Variants in ANKS1B observed in about 807,000 individuals in gnomAD.
The protein encoded by ANKS1B is ankyrin repeat and sterile alpha motif domain-containing protein 1B.
Under a neutral mutation model 148.3 loss-of-function variants are expected in ANKS1B, and 36 were observed. That is an observed-to-expected ratio of 0.24 (90% CI 0.19 to 0.32). The LOEUF (loss-of-function observed/expected upper bound fraction) is 0.32, where lower values mean the gene tolerates loss of function less well. Ranked by LOEUF, ANKS1B falls within the 10% of genes least tolerant of loss-of-function variation. The probability of loss-of-function intolerance (pLI) is 1.00; values close to 1 mark genes in which losing one functional copy is unlikely to be tolerated. For missense variants in ANKS1B, 1,157 were observed against 1,542.6 expected, an observed-to-expected ratio of 0.75 and a Z score of 4.19; for synonymous variants, 542 against 560.8, an observed-to-expected ratio of 0.97 and a Z score of 0.47.
intron 9 of ANKS1B, among the ~76,000 whole-genome samples, chr12:99,506,128 T>C (rs893474468): frequency 8.5e-5 from 13 of 152,062 alleles, no homozygotes; most frequent in Admixed American, 2.6e-4. Context: ...GAACATACAC[T>C]GCTTTCACAC....
At chr12:99,014,695 A>G (rs1358971593) in intron 17 of ANKS1B, among the ~76,000 whole-genome samples, 2 of 152,166 alleles carry the variant, frequency 1.3e-5, no homozygotes, top group East Asian at 3.9e-4. Flanking sequence ...AAACAACTCC[A>G]TAAAAAGTGG....
chr12:99,117,998 G>C (rs973155810), intron 15 of ANKS1B, among the ~76,000 whole-genome samples: 1 of 152,132 alleles, frequency 6.6e-6, no homozygotes, highest in Non-Finnish European at 1.5e-5. Context: ...GGTATTTATA[G>C]CATTTTCTGA....
intron 1 of ANKS1B, among the ~76,000 whole-genome samples, chr12:99,854,733 GT>G (rs1358346155): frequency 2.0e-5 from 3 of 152,144 alleles, no homozygotes; most frequent in African/African-American, 7.2e-5. Context: ...AGAGACTGGG[GT>G]TCTATCTTTA....
At chr12:99,901,745 G>A (rs976891474) in intron 1 of ANKS1B, among the ~76,000 whole-genome samples, 1 of 152,130 alleles carries the variant, frequency 6.6e-6, no homozygotes, top group African/African-American at 2.4e-5. Flanking sequence ...ATATTACAGT[G>A]ACATTTATTG....
intron 10 of ANKS1B, among the ~76,000 whole-genome samples, chr12:99,488,025 G>A (rs1045069179): frequency 2.6e-5 from 4 of 152,032 alleles, no homozygotes; most frequent in Admixed American, 1.3e-4. Context: ...AAAAAATTAC[G>A]GCTATGATAT....
intron 1 of ANKS1B, among the ~76,000 whole-genome samples, chr12:99,958,054 G>A (rs772975072): frequency 2.6e-5 from 4 of 152,170 alleles, no homozygotes; most frequent in Non-Finnish European, 5.9e-5. Flanking sequence ...AAGGTGCCAG[G>A]GAAGCACCAT....
At chr12:99,795,275 G>GA (rs942465581) in intron 4 of ANKS1B, among the ~76,000 whole-genome samples, 5 of 151,628 alleles carry the variant, frequency 3.3e-5, no homozygotes, top group South Asian at 2.1e-4. Flanking sequence ...CACTCTGAGG[G>GA]AAAAAATTGC....
chr12:99,786,357 G>A (rs2065008668), intron 4 of ANKS1B, among the ~76,000 whole-genome samples: 1 of 152,154 alleles, frequency 6.6e-6, no homozygotes, highest in Admixed American at 6.5e-5. Flanking sequence ...CTAGACTAGT[G>A]CCTGGACTTT....
chr12:99,072,438 G>C (rs773762278), intron 16 of ANKS1B, among the ~76,000 whole-genome samples: 1 of 152,058 alleles, frequency 6.6e-6, no homozygotes, highest in African/African-American at 2.4e-5. Flanking sequence ...ACTGGGATTA[G>C]AGAATTTAAG....
At chr12:99,555,085 T>C (rs1246844607) in intron 9 of ANKS1B, among the ~76,000 whole-genome samples, 1 of 152,208 alleles carries the variant, frequency 6.6e-6, no homozygotes, top group Admixed American at 6.5e-5. Flanking sequence ...TGGTTCCATG[T>C]CTTTGCTATT....
At chr12:99,215,800 A>T (rs2084079339) in intron 14 of ANKS1B, among the ~76,000 whole-genome samples, 1 of 152,188 alleles carries the variant, frequency 6.6e-6, no homozygotes, top group South Asian at 2.1e-4. Context: ...TGGGCAGAAG[A>T]GACTTGGCTT....
intron 9 of ANKS1B, among the ~76,000 whole-genome samples, chr12:99,515,591 T>G (rs1266685788): frequency 6.6e-6 from 1 of 152,104 alleles, no homozygotes; most frequent in Admixed American, 6.6e-5. Context: ...GACACTTAGA[T>G]TGCTTCCAAA....
At chr12:99,073,628 A>G (rs2046937691) in intron 16 of ANKS1B, among the ~76,000 whole-genome samples, 1 of 152,050 alleles carries the variant, frequency 6.6e-6, no homozygotes, top group Non-Finnish European at 1.5e-5. Context: ...GAGCTCTTGG[A>G]TTCCTGCTGC....
At chr12:99,904,495 T>C (rs1213000866) in intron 1 of ANKS1B, among the ~76,000 whole-genome samples, 2 of 152,164 alleles carry the variant, frequency 1.3e-5, no homozygotes, top group African/African-American at 4.8e-5. Flanking sequence ...CCCAGCCTAA[T>C]CATTTTTTTA....
At chr12:99,880,231 A>T (rs2092392406) in intron 1 of ANKS1B, among the ~76,000 whole-genome samples, 1 of 152,212 alleles carries the variant, frequency 6.6e-6, no homozygotes, top group Non-Finnish European at 1.5e-5. Context: ...TACAGATATT[A>T]ACTTACTGAA....
intron 14 of ANKS1B, among the ~76,000 whole-genome samples, chr12:99,191,148 A>G (rs1342360613): frequency 6.6e-6 from 1 of 152,210 alleles, no homozygotes; most frequent in East Asian, 1.9e-4. Flanking sequence ...ACAGTGAGAT[A>G]TTATCTCATG....
chr12:99,717,339 C>T (rs2057460941), intron 8 of ANKS1B, among the ~76,000 whole-genome samples: 1 of 152,204 alleles, frequency 6.6e-6, no homozygotes, highest in African/African-American at 2.4e-5. Flanking sequence ...TTCTGAGTTA[C>T]AATTCCTTGC....
chr12:99,076,349 A>G (rs190696628), intron 16 of ANKS1B, among the ~76,000 whole-genome samples: 4 of 152,174 alleles, frequency 2.6e-5, no homozygotes, highest in African/African-American at 9.7e-5. Flanking sequence ...ATTTTAGGGA[A>G]TATCAATGTA....
intron 12 of ANKS1B, among the ~76,000 whole-genome samples, chr12:99,271,588 G>A (rs1293429385): frequency 6.9e-6 from 1 of 145,634 alleles, no homozygotes; most frequent in East Asian, 2.0e-4. Flanking sequence ...TAATTAAAAA[G>A]TTAAATTAAA....
Sources: gnomAD v4.1 joint callset for allele counts (sites outside exome capture counted in the v4.1 genomes callset) on GRCh38, gnomAD v4.1.1 for gene constraint, MANE v1.5 for transcripts, NCBI Gene and HGNC (gene_info 2026-07-23, HGNC 2026-07-21) for gene names.